The following DDX43 variants were observed in gnomAD, a reference collection of about 807,000 sequenced individuals.
DDX43 encodes the protein DEAD-box helicase 43.
A neutral mutation model predicts 84.9 loss-of-function variants in DDX43; 50 were observed. That is an observed-to-expected ratio of 0.59 (90% confidence interval 0.47 to 0.75). The LOEUF (loss-of-function observed/expected upper bound fraction) is 0.75, where lower values mean the gene tolerates loss of function less well. Among genes scored for constraint, DDX43 ranks in the 30% least tolerant of loss-of-function variants. The pLI is 0.00. For missense variants in DDX43, 689 were observed against 798.6 expected, an observed-to-expected ratio of 0.86 and a Z score of 1.65; for synonymous variants, 291 against 266.3, an observed-to-expected ratio of 1.09 and a Z score of -0.90.
chr6:73,413,651 C>A lies in DDX43; in HGVS notation c.1369-7C>A. 1 of 1,612,506 alleles carries A rather than the reference C, an allele frequency of 6.2e-7. No individual in the cohort carries two copies. Among genetic ancestry groups the A allele is most frequent in the Non-Finnish European group, 8.5e-7 (1 of 1,179,548 alleles). On this transcript the variant is annotated splice_polypyrimidine_tract_variant and splice_region_variant and intron_variant, in intron 11 of 16. Coordinates refer to ENST00000370336, the MANE Select transcript of DDX43 (RefSeq NM_018665.3). ...CCTTGATGAACTATGTTCTTTGAAT[C>A]CTTTAGGCTGTAAGTTCAGTGAAGC...
intron 10 of DDX43, among the ~76,000 whole-genome samples, chr6:73,411,496 T>C (rs766152169): frequency 3.3e-5 from 5 of 151,356 alleles, no homozygotes; most frequent in African/African-American, 9.7e-5. Flanking sequence ...GCCTGACTTA[T>C]TTTTGTATTT....
rs1475427015 is a variant in DDX43, at chr6:73,414,083, T to G, written c.1606+4T>G. 24 of 1,534,338 alleles carry G rather than the reference T, an allele frequency of 1.6e-5. No individual in the cohort carries two copies. The highest frequency in any genetic ancestry group is 2.3e-5 in the East Asian group (1 of 44,444). On this transcript the variant is annotated splice_donor_region_variant and intron_variant, in intron 13 of 16. Transcript: ENST00000370336. ...GCATTAGAGAACTTTAAAACAGGTA[T>G]GTTTATGTAATTAGTATTTCATACA...
chr6:73,404,641 C>A (rs1769638091), intron 4 of DDX43, 49 bp from the exon 5 acceptor site: 2 of 1,326,862 alleles, frequency 1.5e-6, no homozygotes, highest in African/African-American at 1.5e-5. Flanking sequence ...ACTAAGTATT[C>A]ATGATGCTGT....
chr6:73,409,322 C>T lies in DDX43; in HGVS notation c.1254C>T (p.Arg418=). The change falls in exon 10 of 17, where the codon CGC becomes CGT. Residue 418 remains arginine (R), a synonymous_variant. Transcript: ENST00000370336. ...TAATGAAGATTTTGTTAGATGTGCGCCCAGATAGGCAGACAGTTATGACCA... is the reference window on the plus strand; with the variant it reads ...TAATGAAGATTTTGTTAGATGTGCGTCCAGATAGGCAGACAGTTATGACCA... ...PQIMKILLDV[R]PDRQTVMTSA... is the part of the protein sequence containing the mutation. The T allele has an allele frequency of 6.2e-7, 1 of 1,613,934 alleles. No homozygotes were observed. Among genetic ancestry groups the T allele is most frequent in the Non-Finnish European group, 8.5e-7 (1 of 1,179,900 alleles).
intron 10 of DDX43, among the ~76,000 whole-genome samples, chr6:73,411,918 G>A (rs1426615373): frequency 6.6e-6 from 1 of 151,892 alleles, no homozygotes; most frequent in Non-Finnish European, 1.5e-5. Context: ...GGCTAGTCTT[G>A]AACTCCTGAC....
chr6:73,414,347 T>C (rs1032465643), intron 13 of DDX43, among the ~76,000 whole-genome samples: 3 of 152,242 alleles, frequency 2.0e-5, no homozygotes, highest in African/African-American at 4.8e-5. Flanking sequence ...CTGTCATGGT[T>C]CGAAGGGTTT....
chr6:73,412,904 A>G (rs1769831389), intron 11 of DDX43, among the ~76,000 whole-genome samples: 1 of 151,948 alleles, frequency 6.6e-6, no homozygotes, highest in East Asian at 1.9e-4. Flanking sequence ...TAAGTTTTGT[A>G]TTTTAGTAGA....
intron 11 of DDX43, among the ~76,000 whole-genome samples, chr6:73,412,678 C>CGCGCAT (rs143068937): frequency 2.6e-5 from 2 of 76,408 alleles, no homozygotes; most frequent in African/African-American, 9.2e-5. Context: ...TGCGCGCGCG[C>CGCGCAT]GTGTGTGTGT....
In DDX43 at chr6:73,405,827, C is replaced by T. The variant is rs922405590; in HGVS notation, c.799C>T (p.Pro267Ser). The part of the protein sequence containing the change: ...IKKAGFQKPT[P>S]IQSQAWPIVL... Reference sequence around the variant, plus strand: ...AAAGGCAGGTTTTCAAAAGCCAACACCTATTCAGGTATGCTTTCATTAATT... The same window carrying T: ...AAAGGCAGGTTTTCAAAAGCCAACATCTATTCAGGTATGCTTTCATTAATT... The change falls in exon 6 of 17, where the codon CCT (proline) becomes TCT (serine). Residue 267 changes from proline to serine, a missense_variant. Pro to Ser is a moderately conservative substitution (Grantham distance 74). Coordinates refer to ENST00000370336, the MANE Select transcript of DDX43 (RefSeq NM_018665.3). The T allele has an allele frequency of 8.7e-6, 14 of 1,613,264 alleles. No individual in the cohort carries two copies. Among genetic ancestry groups the T allele is most frequent in the Non-Finnish European group, 1.2e-5 (14 of 1,179,764 alleles).
intron 1 of DDX43, among the ~76,000 whole-genome samples, chr6:73,395,595 CAG>C (rs1769452153): frequency 1.4e-5 from 2 of 147,218 alleles, no homozygotes; most frequent in African/African-American, 2.5e-5. Context: ...GCCTAGGTGA[CAG>C]AGCAAGACTC....
At chr6:73,414,714 G>A (rs1176378894) in intron 14 of DDX43, 28 bp downstream of exon 14, 1 of 1,588,340 alleles carries the variant, frequency 6.3e-7, no homozygotes, top group African/African-American at 1.4e-5. Flanking sequence ...ACCCATGAAA[G>A]GCCAATTCTA....
intron 10 of DDX43, among the ~76,000 whole-genome samples, chr6:73,410,874 A>G (rs1188554002): frequency 6.6e-6 from 1 of 151,522 alleles, no homozygotes; most frequent in African/African-American, 2.4e-5. Context: ...GATTACAGGC[A>G]TGAGCCAACA....
At chr6:73,398,059 C>A in intron 2 of DDX43, 1 of 197,220 alleles carries the variant, frequency 5.1e-6, no homozygotes. Context: ...GATCCACTTG[C>A]CTTGGCCTCC....
chr6:73,398,612 TA>T lies in DDX43; in HGVS notation c.306+873del, dbSNP rs570035518. Among the ~76,000 whole-genome samples, 547 of 152,136 alleles carry T rather than the reference TA, an allele frequency of 3.6e-3. 1 individual carries two copies. The highest frequency in any genetic ancestry group is 7.2e-3 in the Admixed American group (110 of 15,276). ...ATGAGATCACTGGAATATTCGGAGG[TA>T]AAAATCGTTAGAGATAATCTGCATA... On this transcript the variant is annotated intron_variant, in intron 2 of 16. Coordinates refer to ENST00000370336, the MANE Select transcript of DDX43 (RefSeq NM_018665.3).
intron 11 of DDX43, among the ~76,000 whole-genome samples, chr6:73,412,680 T>TGTGTGTGTGTGCGCGCGCGCGCGC (rs1562286198): frequency 7.4e-5 from 8 of 108,512 alleles, no homozygotes; most frequent in Non-Finnish European, 1.4e-4. Flanking sequence ...CGCGCGCGCG[T>TGTGTGTGTGTGCGCGCGCGCGCGC]GTGTGTGTGT....
intron 4 of DDX43, among the ~76,000 whole-genome samples, chr6:73,403,842 A>C (rs1769622438): frequency 2.1e-5 from 3 of 140,264 alleles, no homozygotes; most frequent in Middle Eastern, 7.2e-3. Flanking sequence ...TTTTAAATGG[A>C]GTTTCGCTCT....
chr6:73,413,972 C>G lies in DDX43; in HGVS notation c.1499C>G (p.Ala500Gly). ...GCTGAGTTTATCTTTTGCTTCAGTG[C>G]GGATCACTTATCAAGTGACCTAATA... ...VIVFVSRKAV[A>G]DHLSSDLILG... Residue 500 changes from alanine (A) to glycine (G), a missense_variant and splice_region_variant, in exon 13 of 17, where the codon GCG becomes GGG. Coordinates refer to ENST00000370336, the MANE Select transcript of DDX43 (RefSeq NM_018665.3). 6.2e-7 allele frequency: 1 copy of G among 1,601,458 alleles called. No individual in the cohort carries two copies. The highest frequency in any genetic ancestry group is 8.6e-7 in the Non-Finnish European group (1 of 1,168,922).
At position 73,417,509 on chromosome 6, in the gene DDX43, A is replaced by G. The variant is rs1769926104; in HGVS notation, c.*348A>G. The G allele has an allele frequency of 6.6e-6, 1 of 152,210 alleles. No homozygotes were observed. The highest frequency in any genetic ancestry group is 6.5e-5 in the Admixed American group (1 of 15,276). The allele number at this position is 152,210 out of a possible 1,614,324, so 9.4% of individuals were successfully genotyped here. Reference sequence around the variant, plus strand: ...GGCAGTGAAAAAGATGTTTTCAAACAAAGAATCAGCACCTGAAAAAATACT... The same window carrying G: ...GGCAGTGAAAAAGATGTTTTCAAACGAAGAATCAGCACCTGAAAAAATACT... On this transcript the variant is annotated 3_prime_UTR_variant, in exon 17 of 17. Transcript: ENST00000370336.
chr6:73,408,798 C>T (rs926314442), intron 9 of DDX43, among the ~76,000 whole-genome samples: 2 of 152,110 alleles, frequency 1.3e-5, no homozygotes, highest in African/African-American at 2.4e-5. Flanking sequence ...TCAGGTGATC[C>T]GCCTGCCTCG....
Sources: allele counts gnomAD v4.1 joint callset (sites outside exome capture counted in the v4.1 genomes callset), GRCh38; gene constraint gnomAD v4.1.1; transcripts MANE v1.5; gene names NCBI Gene and HGNC (gene_info 2026-07-23, HGNC 2026-07-21).